The following CUX1 variants were observed in gnomAD, a reference collection of about 807,000 sequenced individuals.
CUX1 encodes protein CASP.
Under a neutral mutation model 158.8 loss-of-function variants are expected in CUX1, and 31 were observed. The observed-to-expected ratio is 0.20, with a 90% CI of 0.15 to 0.26. The LOEUF is 0.26. Among genes scored for constraint, CUX1 ranks in the 10% least tolerant of loss-of-function variants. The pLI is 1.00. For missense variants in CUX1, 1,589 were observed against 2,014.6 expected (o/e 0.79, Z 4.04); for synonymous variants, 879 against 862.1 (o/e 1.02, Z -0.34).
chr7:102,043,069 G>C (rs1479736271), intron 3 of CUX1, among the ~76,000 whole-genome samples: 1 of 151,992 alleles, frequency 6.6e-6, no homozygotes, highest in Non-Finnish European at 1.5e-5. Flanking sequence ...TCAAGCCTCA[G>C]CCTCCTGATT....
At chr7:102,280,671 C>T (rs1791994363) in intron 19 of CUX1, 2 of 814,284 alleles carry the variant, frequency 2.5e-6, no homozygotes, top group Middle Eastern at 3.1e-4. Context: ...CTGGCAGCAC[C>T]CTGGCAGCCC....
Position 102,198,837 on chromosome 7 carries a change from G to GA in CUX1, c.1932dup (p.Val645SerfsTer9), listed in dbSNP as rs1554519019. The GA allele has an allele frequency of 6.2e-7, 1 of 1,614,084 alleles. No individual in the cohort carries two copies. The highest frequency in any genetic ancestry group is 1.3e-5 in the African/African-American group (1 of 74,914). The stretch of plus-strand genomic sequence containing the variant: ...CCAGAGCCTGAACAGACTATTTCAG[G>GA]AAGTACCGAAACGAAGAAATGGGTC... On this transcript the variant is annotated frameshift_variant, in exon 16 of 24. Coordinates refer to ENST00000292535, the MANE Select transcript of CUX1 (RefSeq NM_181552.4). LOFTEE classifies it high-confidence loss of function.
In CUX1 at chr7:101,942,362, C is replaced by T. The variant is rs1807826255; in HGVS notation, c.141+26137C>T. ...ATTCTCATTCCAAGAGGCCCAGTTT[C>T]TGCAGGTGTGTCTTTTCGATCTTAC... On this transcript the variant is annotated intron_variant, in intron 2 of 23. Coordinates refer to ENST00000292535, the MANE Select transcript of CUX1 (RefSeq NM_181552.4). Among the ~76,000 whole-genome samples, 3 of 152,348 alleles carry T rather than the reference C, an allele frequency of 2.0e-5. No homozygotes were observed. In the South Asian group the frequency reaches 6.2e-4, roughly 32 times the overall value.
At chr7:102,237,936 C>T (rs1384969828) in intron 22 of CUX1, among the ~76,000 whole-genome samples, 1 of 151,930 alleles carries the variant, frequency 6.6e-6, no homozygotes. Flanking sequence ...GCAGCCGAGG[C>T]AGAGAGAGAG....
At chr7:101,980,475 G>A (rs1202309443) in intron 2 of CUX1, among the ~76,000 whole-genome samples, 1 of 152,172 alleles carries the variant, frequency 6.6e-6, no homozygotes, top group Admixed American at 6.5e-5. Flanking sequence ...TGTCACTGCA[G>A]TCCAGCCTGG....
At chr7:102,238,916 A>C (rs1487681903) in intron 22 of CUX1, among the ~76,000 whole-genome samples, 1 of 152,058 alleles carries the variant, frequency 6.6e-6, no homozygotes, top group African/African-American at 2.4e-5. Context: ...TTGAGACGGA[A>C]TCTTGCTCTG....
chr7:102,277,995 T>C (rs782701081), exon 18 of CUX1: 2 of 1,587,524 alleles, frequency 1.3e-6, no homozygotes, highest in South Asian at 2.2e-5. Flanking sequence ...CAGAGTGAGC[T>C]GGACAGCCTG....
chr7:102,030,101 T>A (rs1056184572), intron 3 of CUX1, among the ~76,000 whole-genome samples: 2 of 151,700 alleles, frequency 1.3e-5, no homozygotes, highest in Non-Finnish European at 2.9e-5. Context: ...AACCTCCGCC[T>A]CCTGGATTTA....
chr7:101,998,749 T>G (rs980396619), intron 2 of CUX1, among the ~76,000 whole-genome samples: 3 of 152,184 alleles, frequency 2.0e-5, no homozygotes, highest in African/African-American at 7.2e-5. Context: ...GGCCAGGGTA[T>G]AGGATCCTGG....
chr7:102,198,110 G>T (rs1174938235), intron 15 of CUX1, among the ~76,000 whole-genome samples: 1 of 152,026 alleles, frequency 6.6e-6, no homozygotes, highest in Non-Finnish European at 1.5e-5. Context: ...AAATCAAAAG[G>T]TTAGCTGGGC....
At chr7:101,984,582 G>A (rs1310852412) in intron 2 of CUX1, among the ~76,000 whole-genome samples, 2 of 151,490 alleles carry the variant, frequency 1.3e-5, no homozygotes, top group Non-Finnish European at 1.5e-5. Flanking sequence ...CTGCAGGACT[G>A]AGCTCTGAAG....
In CUX1 at chr7:102,207,091, G is replaced by C. The variant is rs544523600; in HGVS notation, c.3130+1921G>C. ...TACAACAGTCACATTTCAAACCTAG[G>C]AAAAACACACTAGGCTCCTAAGAGG... On this transcript the variant is annotated intron_variant, in intron 20 of 23. Transcript: ENST00000292535. Among the ~76,000 whole-genome samples, 6 of 152,196 alleles carry C rather than the reference G, an allele frequency of 3.9e-5. No homozygotes were observed. In the South Asian group the frequency reaches 8.3e-4, roughly 21 times the overall value.
chr7:102,242,136 G>A (rs569921347), intron 23 of CUX1, among the ~76,000 whole-genome samples: 81 of 152,134 alleles, frequency 5.3e-4, no homozygotes, highest in African/African-American at 1.9e-3. Flanking sequence ...GAACGGAAAC[G>A]TGGACAGGGG....
intron 21 of CUX1, chr7:102,282,624 T>A (rs1223181719): frequency 7.0e-7 from 1 of 1,419,954 alleles, no homozygotes; most frequent in Non-Finnish European, 9.7e-7. Context: ...AGAACCTTTA[T>A]GTTCCAGGCC....
chr7:102,156,540 C>G (rs1554505346), intron 8 of CUX1, among the ~76,000 whole-genome samples: 1 of 152,208 alleles, frequency 6.6e-6, no homozygotes, highest in African/African-American at 2.4e-5. Flanking sequence ...AGGGCATCCA[C>G]TGCCATGACC....
chr7:102,104,628 A>T (rs782819439), intron 6 of CUX1, among the ~76,000 whole-genome samples, 169 bp downstream of exon 6: 18 of 152,194 alleles, frequency 1.2e-4, no homozygotes, highest in Non-Finnish European at 2.6e-4. Flanking sequence ...GTGGTGGCTC[A>T]CGCCTGTAAT....
At chr7:102,166,616 A>G (rs760695319) in intron 9 of CUX1, among the ~76,000 whole-genome samples, 3 of 152,138 alleles carry the variant, frequency 2.0e-5, no homozygotes, top group South Asian at 2.1e-4. Context: ...TCAGCTGCCA[A>G]TGATGGGCTA....
At chr7:102,035,591 CT>C (rs555323466) in intron 3 of CUX1, among the ~76,000 whole-genome samples, 119 of 140,838 alleles carry the variant, frequency 8.4e-4, no homozygotes, top group Non-Finnish European at 9.0e-5. Flanking sequence ...TTATATACCC[CT>C]GTATCAGCAG....
intron 5 of CUX1, among the ~76,000 whole-genome samples, chr7:102,102,169 G>A (rs1554486659): frequency 9.9e-5 from 15 of 152,046 alleles, no homozygotes. Context: ...CCCCTCTGCT[G>A]TGCCCTGATG....
Sources: gnomAD v4.1 joint callset for allele counts (sites outside exome capture counted in the v4.1 genomes callset) on GRCh38, gnomAD v4.1.1 for gene constraint, MANE v1.5 for transcripts, NCBI Gene and HGNC (gene_info 2026-07-23, HGNC 2026-07-21) for gene names.